Variants in FNIP1 observed in about 807,000 individuals in gnomAD.
The protein encoded by FNIP1 is folliculin-interacting protein 1.
In FNIP1, 40 loss-of-function variants were observed where a neutral mutation model predicts 124.5. The ratio of observed to expected loss-of-function variants is 0.32; its 90% CI spans 0.25 to 0.42. The LOEUF (loss-of-function observed/expected upper bound fraction) is 0.42. Among genes scored for constraint, FNIP1 ranks in the 10% least tolerant of loss-of-function variants. FNIP1 has a pLI of 1.00. For missense variants in FNIP1, 1,176 were observed against 1,403.7 expected (o/e 0.84, Z 2.59); for synonymous variants, 472 against 470.6 (o/e 1.00, Z -0.04).
intron 10 of FNIP1, among the ~76,000 whole-genome samples, chr5:131,702,548 C>T (rs1416737922): frequency 6.6e-6 from 1 of 152,146 alleles, no homozygotes; most frequent in African/African-American, 2.4e-5. Flanking sequence ...GATTTTCTTG[C>T]TATTCTGCTA....
intron 1 of FNIP1, among the ~76,000 whole-genome samples, chr5:131,770,777 C>T (rs1246637200): frequency 6.6e-6 from 1 of 152,156 alleles, no homozygotes; most frequent in Non-Finnish European, 1.5e-5. Context: ...ATGTGCATCA[C>T]ACACATCAAG....
At chr5:131,652,616 C>G (rs989447508) in intron 15 of FNIP1, among the ~76,000 whole-genome samples, 1 of 152,166 alleles carries the variant, frequency 6.6e-6, no homozygotes, top group Non-Finnish European at 1.5e-5. Flanking sequence ...TTTGGGATTA[C>G]AGGCGTGAGA....
At chr5:131,646,067 AC>A (rs1766871083) in intron 17 of FNIP1, among the ~76,000 whole-genome samples, 2 of 152,194 alleles carry the variant, frequency 1.3e-5, no homozygotes. Flanking sequence ...AAATATTTTT[AC>A]ATAAAGGCAT....
At chr5:131,681,727 A>G (rs1768089224) in intron 11 of FNIP1, among the ~76,000 whole-genome samples, 1 of 151,622 alleles carries the variant, frequency 6.6e-6, no homozygotes, top group Admixed American at 6.6e-5. Context: ...ATATGAAAAA[A>G]AAGGAACACA....
intron 13 of FNIP1, among the ~76,000 whole-genome samples, chr5:131,674,202 T>C (rs569183810): frequency 2.0e-5 from 3 of 152,058 alleles, no homozygotes; most frequent in Non-Finnish European, 4.4e-5. Context: ...GTACTCAGGA[T>C]AGGCCAGAAA....
chr5:131,733,777 G>T (rs1770186656), intron 2 of FNIP1, among the ~76,000 whole-genome samples: 1 of 152,148 alleles, frequency 6.6e-6, no homozygotes, highest in African/African-American at 2.4e-5. Context: ...CAGGGATATT[G>T]GTCTACAATT....
intron 2 of FNIP1, among the ~76,000 whole-genome samples, chr5:131,731,632 ACT>A (rs1220787948): frequency 1.3e-5 from 2 of 149,374 alleles, no homozygotes; most frequent in African/African-American, 5.0e-5. Flanking sequence ...ACAGAGTGAG[ACT>A]CTGTTTCAAA....
intron 1 of FNIP1, among the ~76,000 whole-genome samples, chr5:131,755,232 C>T (rs1305584041): frequency 1.3e-5 from 2 of 151,914 alleles, no homozygotes; most frequent in East Asian, 1.9e-4. Context: ...ATCAGCCTGG[C>T]CAACATGGCA....
chr5:131,724,295 A>G (rs1769780054), intron 3 of FNIP1, among the ~76,000 whole-genome samples: 1 of 152,200 alleles, frequency 6.6e-6, no homozygotes, highest in African/African-American at 2.4e-5. Flanking sequence ...ACTGTCTTCC[A>G]TAATGGTTGA....
At chr5:131,699,932 A>AAAG (rs1181242901) in intron 10 of FNIP1, among the ~76,000 whole-genome samples, 4 of 146,910 alleles carry the variant, frequency 2.7e-5, no homozygotes, top group Non-Finnish European at 4.5e-5. Flanking sequence ...AAAAAAAAAA[A>AAAG]AAAAAGGGAA....
At chr5:131,745,788 T>G (rs190723835) in intron 1 of FNIP1, among the ~76,000 whole-genome samples, 112 of 152,248 alleles carry the variant, frequency 7.4e-4, no homozygotes, top group South Asian at 6.2e-3. Flanking sequence ...CACACACAGA[T>G]AGCTACTGTA....
chr5:131,647,123 C>T lies in FNIP1; in HGVS notation c.3389G>A (p.Arg1130His), dbSNP rs1197405873. ...CACTCCCAGCTCCTTGACATGAACA[C>T]GCATCTGCCCCCTCAGGTATTCAGA... Reference protein sequence around the residue: ...MLSEYLRGQMRVHVKELGVVL... With the variant: ...MLSEYLRGQMHVHVKELGVVL... The change falls in exon 17 of 18, where the codon CGT (arginine) becomes CAT (histidine). Residue 1130 changes from arginine (R) to histidine (H), a missense_variant. Arg to His is a conservative substitution (Grantham distance 29, BLOSUM62 0). Coordinates refer to ENST00000510461, the MANE Select transcript of FNIP1 (RefSeq NM_133372.3). The T allele has an allele frequency of 5.0e-6, 8 of 1,614,130 alleles. No individual in the cohort carries two copies. Among genetic ancestry groups the T allele is most frequent in the Non-Finnish European group, 5.1e-6 (6 of 1,179,996 alleles).
intron 16 of FNIP1, among the ~76,000 whole-genome samples, chr5:131,647,997 A>C (rs1766940723): frequency 6.6e-6 from 1 of 151,940 alleles, no homozygotes; most frequent in Admixed American, 6.6e-5. Context: ...TTCACAAAGA[A>C]TGCTATGTGG....
At chr5:131,686,832 T>C (rs1314906317) in intron 11 of FNIP1, among the ~76,000 whole-genome samples, 1 of 151,996 alleles carries the variant, frequency 6.6e-6, no homozygotes, top group Non-Finnish European at 1.5e-5. Context: ...CCCAAAGTGC[T>C]GCGATTACAG....
At chr5:131,773,697 T>C (rs1001096644) in intron 1 of FNIP1, among the ~76,000 whole-genome samples, 2 of 152,228 alleles carry the variant, frequency 1.3e-5, no homozygotes, top group South Asian at 2.1e-4. Context: ...GTTAATAATA[T>C]AGTATGTGCT....
intron 11 of FNIP1, among the ~76,000 whole-genome samples, chr5:131,689,113 A>G (rs1768388336): frequency 6.6e-6 from 1 of 151,452 alleles, no homozygotes; most frequent in African/African-American, 2.4e-5. Context: ...TACCTATAGA[A>G]GAGTAAGAAC....
At chr5:131,765,084 T>C (rs1771374214) in intron 1 of FNIP1, among the ~76,000 whole-genome samples, 1 of 152,138 alleles carries the variant, frequency 6.6e-6, no homozygotes, top group South Asian at 2.1e-4. Flanking sequence ...TAGCCAAGTA[T>C]GCTGGTGCAC....
Position 131,793,778 on chromosome 5 carries a change from T to C in FNIP1, c.92+3052A>G, listed in dbSNP as rs149928078. Among the ~76,000 whole-genome samples, 8 of 152,334 alleles carry C rather than the reference T, an allele frequency of 5.3e-5. No homozygotes were observed. In the East Asian group the frequency reaches 1.5e-3, roughly 29 times the overall value. On this transcript the variant is annotated intron_variant, in intron 1 of 17. Transcript: ENST00000510461. ...ACTCTAGGAACTGCCTCTTAGGGAC[T>C]GAGCTACAGTTAGTTGCCAATGGCT...
chr5:131,709,371 T>G (rs1206051852), intron 7 of FNIP1, 99 bp from the exon 8 acceptor site: 2 of 975,390 alleles, frequency 2.1e-6, no homozygotes, highest in Non-Finnish European at 3.2e-6. Flanking sequence ...CTCATCTCAT[T>G]GCATTCCCTT....
Sources: allele counts gnomAD v4.1 joint callset (sites outside exome capture counted in the v4.1 genomes callset), GRCh38; gene constraint gnomAD v4.1.1; transcripts MANE v1.5; gene names NCBI Gene and HGNC (gene_info 2026-07-23, HGNC 2026-07-21).